NCAPD3: variants seen among roughly 807,000 people sequenced by gnomAD.
NCAPD3 encodes non-SMC condensin II complex subunit D3, also known as condensin-2 complex subunit D3.
A neutral mutation model predicts 182.9 loss-of-function variants in NCAPD3; 105 were observed. That is an observed-to-expected ratio of 0.57 (90% CI 0.49 to 0.68). The LOEUF (loss-of-function observed/expected upper bound fraction) is 0.68. Ranked by LOEUF, NCAPD3 falls within the 30% of genes least tolerant of loss-of-function variation. The pLI is 0.00. For missense variants in NCAPD3, 1,944 were observed against 1,837.0 expected (o/e 1.06, Z -1.07); for synonymous variants, 815 against 679.9 (o/e 1.20, Z -3.09).
At chr11:134,182,059 T>G (rs1204888671) in intron 19 of NCAPD3, among the ~76,000 whole-genome samples, 1 of 152,204 alleles carries the variant, frequency 6.6e-6, no homozygotes, top group East Asian at 1.9e-4. Flanking sequence ...ACATTTAAAA[T>G]TTTAATAGAT....
intron 32 of NCAPD3, chr11:134,154,057 G>A (rs1943345540): frequency 6.5e-6 from 1 of 153,472 alleles, no homozygotes; most frequent in Non-Finnish European, 1.4e-5. Flanking sequence ...CTCACCAGCT[G>A]TGTGAGCTGC....
At chr11:134,225,376 G>T (rs1437368930), upstream of NCAPD3, 1 of 1,609,592 alleles carries the variant, frequency 6.2e-7, no homozygotes, top group Non-Finnish European at 8.5e-7. Flanking sequence ...CCCTCCCCCA[G>T]CGCCGACAGC....
intron 32 of NCAPD3, among the ~76,000 whole-genome samples, chr11:134,155,838 G>A (rs1400694500): frequency 2.1e-5 from 3 of 145,292 alleles, no homozygotes; most frequent in Non-Finnish European, 1.5e-5. Context: ...GACAAATGCC[G>A]TCATGATTCG....
intron 2 of NCAPD3, among the ~76,000 whole-genome samples, 155 bp from the exon 3 acceptor site, chr11:134,217,253 A>G (rs1938063179): frequency 6.6e-6 from 1 of 152,234 alleles, no homozygotes; most frequent in Non-Finnish European, 1.5e-5. Flanking sequence ...AAGGGACTGA[A>G]ACAAAATATC....
upstream of NCAPD3, chr11:134,224,966 C>T: frequency 2.1e-6 from 1 of 471,940 alleles, no homozygotes; most frequent in Non-Finnish European, 3.2e-6. Context: ...GGCTGTCCGT[C>T]GGCGCCCACT....
At chr11:134,156,046 TTGC>T (rs1943410699) in intron 32 of NCAPD3, among the ~76,000 whole-genome samples, 1 of 152,232 alleles carries the variant, frequency 6.6e-6, no homozygotes, top group Non-Finnish European at 1.5e-5. Context: ...GCAGGACACC[TTGC>T]TGCTCTGTTA....
chr11:134,164,232 C>T (rs1320009478), intron 27 of NCAPD3, among the ~76,000 whole-genome samples: 1 of 152,216 alleles, frequency 6.6e-6, no homozygotes, highest in Non-Finnish European at 1.5e-5. Context: ...CAACAAAAGC[C>T]TCAGCCTGAC....
At chr11:134,224,658 C>G (rs981292260), upstream of NCAPD3, 6 of 152,352 alleles carry the variant, frequency 3.9e-5, no homozygotes, top group East Asian at 1.2e-3. Flanking sequence ...CTCGCCCGCC[C>G]CCTCCCCCGC....
At chr11:134,174,469 A>G (rs180986331) in intron 24 of NCAPD3, among the ~76,000 whole-genome samples, 2 of 151,786 alleles carry the variant, frequency 1.3e-5, no homozygotes, top group Non-Finnish European at 2.9e-5. Context: ...AAAAATCAAA[A>G]GTCAGGCACA....
At chr11:134,167,281 T>A (rs1436952661) in intron 27 of NCAPD3, among the ~76,000 whole-genome samples, 54 of 92,162 alleles carry the variant, frequency 5.9e-4, no homozygotes, top group South Asian at 8.0e-4. Context: ...CACACTCACT[T>A]GTGAGATGAG....
intron 1 of NCAPD3, among the ~76,000 whole-genome samples, 188 bp from the exon 2 acceptor site, chr11:134,220,914 AACTGAC>A (rs758467891): frequency 5.8e-4 from 89 of 152,368 alleles, no homozygotes; most frequent in Non-Finnish European, 1.0e-3. Context: ...CTTAAATCAC[AACTGAC>A]ACTGACTATT....
upstream of NCAPD3, chr11:134,225,064 G>T: frequency 6.7e-7 from 1 of 1,502,950 alleles, no homozygotes; most frequent in Non-Finnish European, 9.0e-7. Context: ...ACCTAGGGCA[G>T]CCCGCGCCCC....
At position 134,161,153 on chromosome 11, in the gene NCAPD3, CATA is replaced by C. The variant is rs915103446; in HGVS notation, c.3684+625_3684+627del. On this transcript the variant is annotated intron_variant, in intron 28 of 34. Transcript: ENST00000534548. ...AGCATTTTTTTGAGGAAGAAAAACACATAATGTGAACAGAGCTATAACTGCTGA... is the reference window on the plus strand; with the variant it reads ...AGCATTTTTTTGAGGAAGAAAAACACATGTGAACAGAGCTATAACTGCTGA... Among the ~76,000 whole-genome samples the C allele has an allele frequency of 1.8e-4, 27 of 152,090 alleles. No homozygotes were observed. The East Asian group carries it at 2.1e-3, about 12-fold the overall frequency.
At chr11:134,202,285 G>A (rs565083125) in intron 13 of NCAPD3, among the ~76,000 whole-genome samples, 193 of 152,312 alleles carry the variant, frequency 1.3e-3, no homozygotes, top group Non-Finnish European at 2.2e-3. Flanking sequence ...TGGGAAAGAT[G>A]GGAGGGTGTT....
intron 1 of NCAPD3, among the ~76,000 whole-genome samples, chr11:134,222,915 C>T (rs1938288077): frequency 1.3e-5 from 2 of 152,150 alleles, no homozygotes; most frequent in South Asian, 4.1e-4. Context: ...TTACAAAAAC[C>T]CCTGTGAGGT....
In NCAPD3 at chr11:134,169,117, C is replaced by T. The variant is rs1943944650; in HGVS notation, c.3102-63G>A. The T allele has an allele frequency of 3.3e-6, 5 of 1,526,364 alleles. No homozygotes were observed. In the East Asian group the frequency reaches 6.8e-5, roughly 21 times the overall value. 94.6% of individuals were successfully genotyped at this position (1,526,364 alleles called of 1,614,324 possible). On this transcript the variant is annotated intron_variant, in intron 24 of 34. Transcript: ENST00000534548. ...GCTATGTACCAACAGTCTCTGAATA[C>T]ACCAAGAACTCTGCTGAGCAGAGGA...
intron 28 of NCAPD3, among the ~76,000 whole-genome samples, chr11:134,161,213 T>C (rs78902678): frequency 0.016 from 2,408 of 152,276 alleles, 59 homozygotes; most frequent in African/African-American, 0.053. Context: ...ATTTATTTCT[T>C]AGTAAAAGAT....
chr11:134,186,681 T>C (rs1343317420), intron 16 of NCAPD3, among the ~76,000 whole-genome samples: 13 of 152,190 alleles, frequency 8.5e-5, no homozygotes, highest in Non-Finnish European at 1.9e-4. Context: ...TACACATACA[T>C]ACCCACACGC....
At chr11:134,160,558 A>ACTCC (rs1333241925) in intron 28 of NCAPD3, among the ~76,000 whole-genome samples, 1 of 152,164 alleles carries the variant, frequency 6.6e-6, no homozygotes, top group Non-Finnish European at 1.5e-5. Context: ...GGGGATTCCA[A>ACTCC]CTAAGGCTCA....
Sources: allele counts gnomAD v4.1 joint callset (sites outside exome capture counted in the v4.1 genomes callset), GRCh38; gene constraint gnomAD v4.1.1; transcripts MANE v1.5; gene names NCBI Gene and HGNC (gene_info 2026-07-23, HGNC 2026-07-21).